CYRIB: variants seen among roughly 807,000 people sequenced by gnomAD.
CYRIB encodes CYFIP-related Rac1 interactor B.
Under a neutral mutation model 44.2 loss-of-function variants are expected in CYRIB, and 8 were observed. The observed-to-expected ratio is 0.18, with a 90% CI of 0.11 to 0.33. The LOEUF (loss-of-function observed/expected upper bound fraction) is 0.33. Ranked by LOEUF, CYRIB falls within the 10% of genes least tolerant of loss-of-function variation. The pLI, the probability that CYRIB is intolerant of heterozygous loss-of-function variation, is 1.00. For synonymous variants in CYRIB, 131 were observed against 127.2 expected, an observed-to-expected ratio of 1.03 and a Z score of -0.20; for missense variants, 185 against 382.8, an observed-to-expected ratio of 0.48 and a Z score of 4.31.
intron 1 of CYRIB, among the ~76,000 whole-genome samples, chr8:130,012,374 T>A (rs1452665061): frequency 6.6e-6 from 1 of 152,224 alleles, no homozygotes; most frequent in Non-Finnish European, 1.5e-5. Context: ...CCAAGTTTAA[T>A]CCAGGAATGA....
At position 129,976,398 on chromosome 8, in the gene CYRIB, G is replaced by A. The variant is rs10112187; in HGVS notation, c.-295-5403C>T. Among the ~76,000 whole-genome samples, 680 of 152,232 alleles carry A rather than the reference G, an allele frequency of 4.5e-3. 6 individuals are homozygous for A. Among genetic ancestry groups the A allele is most frequent in the African/African-American group, 0.016 (652 of 41,532 alleles). ...TTACTTTAATTCAGAATTCATGACC[G>A]TTTTTCTAAACTAGACTGAAATTTA... On this transcript the variant is annotated intron_variant, in intron 1 of 14. Transcript: ENST00000401979.
At chr8:129,988,772 G>A (rs1268084634) in intron 1 of CYRIB, among the ~76,000 whole-genome samples, 1 of 152,062 alleles carries the variant, frequency 6.6e-6, no homozygotes, top group Non-Finnish European at 1.5e-5. Flanking sequence ...AATTATGGCG[G>A]GTGGGGTTTT....
chr8:129,858,129 T>A lies in CYRIB; in HGVS notation c.302-2382A>T, dbSNP rs1481029342. ...GCAGGCCTGTGCTGGCACAAGTCAG[T>A]CCTACTAGCCTACAATGCTCTGTCT... On this transcript the variant is annotated intron_variant, in intron 5 of 11. Coordinates refer to ENST00000519824, the Ensembl canonical transcript of CYRIB. Among the ~76,000 whole-genome samples, 5 of 152,210 alleles carry A rather than the reference T, an allele frequency of 3.3e-5. No homozygotes were observed. The East Asian group carries it at 9.6e-4, about 29-fold the overall frequency.
chr8:129,889,036 G>A (rs1025556936), intron 2 of CYRIB, among the ~76,000 whole-genome samples: 1 of 152,134 alleles, frequency 6.6e-6, no homozygotes, highest in Non-Finnish European at 1.5e-5. Context: ...AGGTTGCAGT[G>A]AGCCAAGATC....
At chr8:129,952,275 GGTC>G (rs1564370224) in intron 2 of CYRIB, among the ~76,000 whole-genome samples, 2 of 152,092 alleles carry the variant, frequency 1.3e-5, no homozygotes, top group African/African-American at 4.8e-5. Flanking sequence ...TGGTCAGGCT[GGTC>G]TCGAACTCCC....
At position 130,002,050 on chromosome 8, in the gene CYRIB, C is replaced by T. The variant is rs369136230; in HGVS notation, c.-296+14320G>A. ...CTGTCCGTATTTCACCTCAGGGATG[C>T]CTGGGCCTAAGTTTTATTAATTGAA... is the stretch of plus-strand genomic sequence containing the variant. On this transcript the variant is annotated intron_variant, in intron 1 of 14. Transcript: ENST00000401979. Among the ~76,000 whole-genome samples the T allele has an allele frequency of 4.6e-5, 7 of 152,132 alleles. 1 individual carries two copies. In the East Asian group the frequency reaches 5.8e-4, roughly 13 times the overall value.
At chr8:129,870,157 C>T (rs1236800161) in intron 4 of CYRIB, among the ~76,000 whole-genome samples, 1 of 151,918 alleles carries the variant, frequency 6.6e-6, no homozygotes, top group Non-Finnish European at 1.5e-5. Context: ...GCCTGTAATT[C>T]CAACACTTTG....
At chr8:129,911,010 T>C (rs889520150) in intron 1 of CYRIB, among the ~76,000 whole-genome samples, 13 of 152,212 alleles carry the variant, frequency 8.5e-5, no homozygotes, top group African/African-American at 2.9e-4. Context: ...TCCTCCACAA[T>C]TGTGTAACTT....
chr8:129,866,383 C>T (rs573746476), intron 4 of CYRIB, among the ~76,000 whole-genome samples: 8 of 152,088 alleles, frequency 5.3e-5, no homozygotes, highest in Non-Finnish European at 1.0e-4. Context: ...TTTCTATGGA[C>T]TAATTTTTCT....
chr8:129,991,166 G>A (rs1249329752), intron 1 of CYRIB, among the ~76,000 whole-genome samples: 1 of 149,118 alleles, frequency 6.7e-6, no homozygotes, highest in East Asian at 2.0e-4. Context: ...GGTACAACAG[G>A]CGAGGAGTTG....
intron 2 of CYRIB, among the ~76,000 whole-genome samples, chr8:129,880,650 T>C (rs2060510525): frequency 6.6e-6 from 1 of 152,144 alleles, no homozygotes; most frequent in Admixed American, 6.6e-5. Context: ...TTTCCACATA[T>C]CAAAAAAGTT....
At chr8:129,960,131 G>A (rs2095152758) in intron 2 of CYRIB, among the ~76,000 whole-genome samples, 1 of 152,162 alleles carries the variant, frequency 6.6e-6, no homozygotes, top group Non-Finnish European at 1.5e-5. Flanking sequence ...CCTGGTGCAT[G>A]GCTGAATAAA....
chr8:129,971,340 G>C (rs1179663581), intron 1 of CYRIB, among the ~76,000 whole-genome samples: 3 of 152,098 alleles, frequency 2.0e-5, no homozygotes, highest in African/African-American at 4.8e-5. Context: ...TGATCCACCA[G>C]CCTTGACCTC....
At chr8:129,915,848 T>C (rs533385983) in intron 1 of CYRIB, among the ~76,000 whole-genome samples, 1 of 152,342 alleles carries the variant, frequency 6.6e-6, no homozygotes, top group South Asian at 2.1e-4. Flanking sequence ...CTAGAGGATC[T>C]AATGCCTAGA....
At chr8:129,966,019 C>A (rs1591344656) in intron 2 of CYRIB, among the ~76,000 whole-genome samples, 1 of 152,046 alleles carries the variant, frequency 6.6e-6, no homozygotes, top group African/African-American at 2.4e-5. Flanking sequence ...CAACACCCAG[C>A]TAATTTTTGT....
At chr8:129,916,079 T>C (rs1188954038) in intron 1 of CYRIB, among the ~76,000 whole-genome samples, 1 of 152,220 alleles carries the variant, frequency 6.6e-6, no homozygotes, top group African/African-American at 2.4e-5. Context: ...AATGGGAAAG[T>C]TGAGACCCAG....
intron 1 of CYRIB, among the ~76,000 whole-genome samples, chr8:129,929,254 G>A (rs1443485441): frequency 1.3e-5 from 2 of 152,036 alleles, no homozygotes; most frequent in African/African-American, 2.4e-5. Flanking sequence ...GAGAGAGTGT[G>A]AGAAGGAAAG....
At chr8:129,895,575 C>T (rs1030004825) in intron 2 of CYRIB, among the ~76,000 whole-genome samples, 4 of 151,916 alleles carry the variant, frequency 2.6e-5, no homozygotes, top group African/African-American at 9.7e-5. Context: ...TATATAATTG[C>T]CATCTCTATA....
At chr8:129,991,748 G>A (rs138825171) in intron 1 of CYRIB, among the ~76,000 whole-genome samples, 103 of 150,648 alleles carry the variant, frequency 6.8e-4, no homozygotes, top group African/African-American at 2.2e-3. Context: ...CCAGGAGTTC[G>A]AGACCAACCT....
Sources: allele counts gnomAD v4.1 joint callset (sites outside exome capture counted in the v4.1 genomes callset), GRCh38; gene constraint gnomAD v4.1.1; transcripts MANE v1.5; gene names NCBI Gene and HGNC (gene_info 2026-07-23, HGNC 2026-07-21).